DDX24: variants seen among roughly 807,000 people sequenced by gnomAD.
DDX24 encodes the protein DEAD-box helicase 24.
DDX24 carries 24 observed loss-of-function variants against 68.9 expected under a neutral mutation model. The observed-to-expected ratio is 0.35, with a 90% CI of 0.25 to 0.49. The LOEUF (loss-of-function observed/expected upper bound fraction) is 0.49, where lower values mean the gene tolerates loss of function less well. DDX24 is among the 20% of genes least tolerant of loss of function. The pLI is 0.99. For missense variants in DDX24, 989 were observed against 1,039.0 expected (o/e 0.95, Z 0.66); for synonymous variants, 395 against 385.2 (o/e 1.03, Z -0.30).
At chr14:94,074,546 G>A (rs1198234509) in intron 2 of DDX24, among the ~76,000 whole-genome samples, 1 of 152,112 alleles carries the variant, frequency 6.6e-6, no homozygotes, top group Non-Finnish European at 1.5e-5. Flanking sequence ...CTCAGCAAAT[G>A]AGAAATCAAA....
At chr14:94,062,770 C>T in intron 2 of DDX24, 149 bp from the exon 3 acceptor site, 1 of 891,748 alleles carries the variant, frequency 1.1e-6, no homozygotes, top group Non-Finnish European at 1.6e-6. Context: ...ACAGATTTCC[C>T]CAGAAGGAAC....
chr14:94,079,517 T>C lies in DDX24; in HGVS notation c.226A>G (p.Arg76Gly). 1.2e-6 allele frequency: 2 copies of C among 1,614,200 alleles called. No individual in the cohort carries two copies. Among genetic ancestry groups the C allele is most frequent in the Non-Finnish European group, 8.5e-7 (1 of 1,180,042 alleles). Reference protein sequence around the residue: ...SSLFSKEAPKRKAQAVSEEEE... With the variant: ...SSLFSKEAPKGKAQAVSEEEE... ...TCTTCTGAAACAGCTTGTGCCTTTCTCTTGGGTGCTTCCTTTGAGAAGAGA... is the reference window on the plus strand; with the variant it reads ...TCTTCTGAAACAGCTTGTGCCTTTCCCTTGGGTGCTTCCTTTGAGAAGAGA... Residue 76 changes from arginine (R) to glycine (G), a missense_variant, in exon 2 of 9, where the codon AGA becomes GGA. By Grantham distance (125) the Arg-to-Gly change is moderately radical. This residue lies in a region of DDX24 where 295 missense variants were observed against 263.0 expected (regional missense o/e 1.12). Transcript: ENST00000621632.
At position 94,051,187 on chromosome 14, in the gene DDX24, C is replaced by CCATGG. The variant is rs112814907; in HGVS notation, c.*3_*4insCCATG. ...AATGTGCAGTCACTGACACACTTGA[C>CCATGG]CAGTTAATTTGCACTTGTACTTGGC... On this transcript the variant is annotated 3_prime_UTR_variant, in exon 9 of 9. Transcript: ENST00000621632. 12 of 1,527,054 alleles carry CCATGG rather than the reference C, an allele frequency of 7.9e-6. No homozygotes were observed. Among genetic ancestry groups the CCATGG allele is most frequent in the East Asian group, 2.3e-5 (1 of 43,272 alleles). 94.6% of individuals were successfully genotyped at this position (1,527,054 alleles called of 1,614,324 possible).
chr14:94,077,200 T>C (rs1431556800), intron 2 of DDX24, among the ~76,000 whole-genome samples: 2 of 152,246 alleles, frequency 1.3e-5, no homozygotes, highest in Non-Finnish European at 2.9e-5. Context: ...GATTTTCGAC[T>C]GCACAGGGGA....
At chr14:94,073,851 G>A (rs755461562) in intron 2 of DDX24, among the ~76,000 whole-genome samples, 3 of 151,914 alleles carry the variant, frequency 2.0e-5, no homozygotes, top group Admixed American at 2.0e-4. Context: ...AGACCATCCT[G>A]GTTAACACGG....
chr14:94,065,595 A>G (rs1885686949), intron 2 of DDX24, among the ~76,000 whole-genome samples: 1 of 152,120 alleles, frequency 6.6e-6, no homozygotes, highest in Non-Finnish European at 1.5e-5. Context: ...GCAAGAACAA[A>G]CCAGTAATCC....
chr14:94,063,592 A>G (rs1885639526), intron 2 of DDX24, among the ~76,000 whole-genome samples: 1 of 152,272 alleles, frequency 6.6e-6, no homozygotes, highest in African/African-American at 2.4e-5. Flanking sequence ...CCAAAGAAAT[A>G]AAGAGCAACC....
chr14:94,069,664 T>C (rs958525971), intron 2 of DDX24, among the ~76,000 whole-genome samples: 1 of 152,186 alleles, frequency 6.6e-6, no homozygotes, highest in African/African-American at 2.4e-5. Context: ...TAACCCACCA[T>C]GATCAAGTGG....
rs1481926987 is a variant in DDX24, at chr14:94,049,446, C to A, written c.*1745G>T. ...TGACACTGGGGGATGGGAGGCCATT[C>A]CTTGGCAACACTTCTGAGACTGAAG... On this transcript the variant is annotated 3_prime_UTR_variant, in exon 9 of 9. Coordinates refer to ENST00000621632, the MANE Select transcript of DDX24 (RefSeq NM_020414.4). 6 of 152,200 alleles carry A rather than the reference C, an allele frequency of 3.9e-5. No homozygotes were observed. The highest frequency in any genetic ancestry group is 3.9e-4 in the Admixed American group (6 of 15,284). The allele number at this position is 152,200 out of a possible 1,614,324, so 9.4% of individuals were successfully genotyped here.
At chr14:94,055,362 G>A (rs546870907) in intron 6 of DDX24, 178 bp from the exon 7 acceptor site, 101 of 645,210 alleles carry the variant, frequency 1.6e-4, no homozygotes, top group African/African-American at 8.8e-4. Context: ...AATGTTCCCA[G>A]GTTTAGCCCA....
intron 2 of DDX24, among the ~76,000 whole-genome samples, chr14:94,068,619 T>A (rs903148069): frequency 2.0e-5 from 3 of 152,128 alleles, no homozygotes; most frequent in Admixed American, 2.0e-4. Context: ...GGCCATAAAA[T>A]GAGCCTCAAT....
intron 2 of DDX24, among the ~76,000 whole-genome samples, chr14:94,066,042 G>C (rs981107126): frequency 7.9e-5 from 12 of 152,188 alleles, no homozygotes; most frequent in South Asian, 6.2e-4. Flanking sequence ...CACGAATCCA[G>C]ACTTCACAGG....
At chr14:94,075,512 C>T (rs1017692493) in intron 2 of DDX24, among the ~76,000 whole-genome samples, 5 of 152,174 alleles carry the variant, frequency 3.3e-5, no homozygotes. Context: ...CAATAAGGAT[C>T]AGAGACCAAA....
chr14:94,057,981 A>G, intron 5 of DDX24, 84 bp from the exon 6 acceptor site: 1 of 1,275,698 alleles, frequency 7.8e-7, no homozygotes, highest in Admixed American at 1.9e-5. Flanking sequence ...CATCCTAAAC[A>G]TTACAGTCCT....
chr14:94,057,378 C>A lies in DDX24; in HGVS notation c.1989+444G>T, dbSNP rs74077306. ...TAACTTATTTTACCTCAGTAAGAAC[C>A]CTAAGAAGCAGGTACTCACTGCCAT... On this transcript the variant is annotated intron_variant, in intron 6 of 8. Transcript: ENST00000621632. The A allele has an allele frequency of 2.4e-3, 385 of 157,342 alleles. 1 individual carries two copies. The highest frequency in any genetic ancestry group is 8.7e-3 in the African/African-American group (364 of 41,706). 9.7% of individuals were successfully genotyped at this position (157,342 alleles called of 1,614,324 possible). A position where few individuals can be genotyped will look rare whatever the true frequency, so the allele number is the denominator to read the frequency against.
At chr14:94,073,940 C>T (rs1314268942) in intron 2 of DDX24, among the ~76,000 whole-genome samples, 15 of 150,936 alleles carry the variant, frequency 9.9e-5, no homozygotes, top group Non-Finnish European at 1.9e-4. Flanking sequence ...CTACCTGGGA[C>T]GCTGGGGCAG....
rs558555137 is a variant in DDX24 at position 94,052,151 on chromosome 14, T to A, written c.2309-689A>T. ...ACAGCAGTTAAGTCTGCCTCTGAAT[T>A]TGCTGACTTGGGCACCGAGGTGTCA... On this transcript the variant is annotated intron_variant, in intron 8 of 8. Transcript: ENST00000621632. Among the ~76,000 whole-genome samples, 4 of 152,376 alleles carry A rather than the reference T, an allele frequency of 2.6e-5. No homozygotes were observed. The East Asian group carries it at 7.7e-4, about 29-fold the overall frequency.
Position 94,075,819 on chromosome 14 carries a change from T to C in DDX24, c.718+3206A>G, listed in dbSNP as rs765369620. 2.0e-5 allele frequency among the ~76,000 whole-genome samples: 3 copies of C among 152,110 alleles called. No individual in the cohort carries two copies. The East Asian group carries it at 5.8e-4, about 29-fold the overall frequency. On this transcript the variant is annotated intron_variant, in intron 2 of 8. Transcript: ENST00000621632. Reference sequence around the variant, plus strand: ...ACTCCCAAAACTCTACAACAGAACATCCCTATTTTAAAAATGGGCAAAATA... The same window carrying C: ...ACTCCCAAAACTCTACAACAGAACACCCCTATTTTAAAAATGGGCAAAATA...
rs79824912 is a variant in DDX24, at chr14:94,064,338, T to C, written c.719-1717A>G. Among the ~76,000 whole-genome samples, 355 of 152,340 alleles carry C rather than the reference T, an allele frequency of 2.3e-3. 5 individuals are homozygous for C. Among genetic ancestry groups the C allele is most frequent in the Non-Finnish European group, 4.1e-3 (282 of 68,032 alleles). On this transcript the variant is annotated intron_variant, in intron 2 of 8. Transcript: ENST00000621632. The stretch of plus-strand genomic sequence containing the variant: ...TGGTCTTAGTCCTCTGTTGCTGATA[T>C]AAAACCTTGTGATACCTTAAAAATA...
Sources: allele counts gnomAD v4.1 joint callset (sites outside exome capture counted in the v4.1 genomes callset), GRCh38; gene constraint gnomAD v4.1.1; regional missense constraint gnomAD v4.1.1; transcripts MANE v1.5; gene names NCBI Gene and HGNC (gene_info 2026-07-23, HGNC 2026-07-21).